Variants in RABGAP1L observed in about 807,000 individuals in gnomAD.
The protein encoded by RABGAP1L is rab GTPase-activating protein 1-like.
A neutral mutation model predicts 137.7 loss-of-function variants in RABGAP1L; 63 were observed. The ratio of observed to expected loss-of-function variants is 0.46; its 90% CI spans 0.37 to 0.56. The LOEUF is 0.56. Among genes scored for constraint, RABGAP1L ranks in the 20% least tolerant of loss-of-function variants. RABGAP1L has a pLI of 0.00. For synonymous variants in RABGAP1L, 431 were observed against 433.7 expected (o/e 0.99, Z 0.08); for missense variants, 1,095 against 1,244.0 (o/e 0.88, Z 1.80).
intron 13 of RABGAP1L, among the ~76,000 whole-genome samples, chr1:174,399,489 C>T (rs968073569): frequency 6.6e-6 from 1 of 152,132 alleles, no homozygotes; most frequent in African/African-American, 2.4e-5. Flanking sequence ...TGAAATGGTT[C>T]AGCTTGAACA....
chr1:174,436,943 A>G (rs929291453), intron 13 of RABGAP1L, among the ~76,000 whole-genome samples: 1 of 152,256 alleles, frequency 6.6e-6, no homozygotes, highest in African/African-American at 2.4e-5. Flanking sequence ...ACCGCTGCTG[A>G]TACCCAGGCA....
chr1:174,875,457 A>G (rs944796145), intron 19 of RABGAP1L: 7 of 924,136 alleles, frequency 7.6e-6, no homozygotes, highest in Non-Finnish European at 9.0e-6. Context: ...GGTGGTTGCC[A>G]GCAGGGAGTA....
rs1431628404 is a variant in RABGAP1L at position 174,829,231 on chromosome 1, T to C, written c.2340+17271T>C. 2.0e-5 allele frequency among the ~76,000 whole-genome samples: 3 copies of C among 148,158 alleles called. No homozygotes were observed. In the East Asian group the frequency reaches 6.3e-4, roughly 31 times the overall value. ...AACCCTGTTTATAAAAGATGAAGAA[T>C]ATTGGGCTTTGCATTTTCCCTGAAA... is the stretch of plus-strand genomic sequence containing the variant. On this transcript the variant is annotated intron_variant, in intron 19 of 25. Transcript: ENST00000681986.
chr1:174,910,598 T>C (rs892906088), intron 19 of RABGAP1L, among the ~76,000 whole-genome samples: 4 of 152,078 alleles, frequency 2.6e-5, no homozygotes, highest in African/African-American at 9.7e-5. Flanking sequence ...GACATCCAAA[T>C]TGGAAAGGAA....
intron 13 of RABGAP1L, among the ~76,000 whole-genome samples, chr1:174,566,833 T>C (rs1246984961): frequency 6.6e-6 from 1 of 152,138 alleles, no homozygotes; most frequent in East Asian, 1.9e-4. Flanking sequence ...ATGATAGTTT[T>C]CATTTGCTAT....
chr1:174,697,127 C>T (rs1679316173), intron 15 of RABGAP1L, among the ~76,000 whole-genome samples: 1 of 152,186 alleles, frequency 6.6e-6, no homozygotes, highest in Admixed American at 6.5e-5. Flanking sequence ...AGGGCCTGCA[C>T]CTCATCTGTT....
intron 12 of RABGAP1L, among the ~76,000 whole-genome samples, chr1:174,392,932 A>G (rs1647334219): frequency 6.6e-6 from 1 of 152,200 alleles, no homozygotes; most frequent in African/African-American, 2.4e-5. Flanking sequence ...CAACAAATAC[A>G]AGTAAAGTCT....
At chr1:174,425,932 A>G (rs1437440328) in intron 13 of RABGAP1L, among the ~76,000 whole-genome samples, 1 of 152,090 alleles carries the variant, frequency 6.6e-6, no homozygotes, top group Admixed American at 6.5e-5. Context: ...TTTATTAGCA[A>G]GTTCAAAGGA....
chr1:174,315,921 TTTCTTA>T (rs750643337), intron 11 of RABGAP1L, among the ~76,000 whole-genome samples: 1 of 152,130 alleles, frequency 6.6e-6, no homozygotes, highest in Non-Finnish European at 1.5e-5. Context: ...TGCTTCATTG[TTTCTTA>T]TTCTTTTTCT....
intron 13 of RABGAP1L, among the ~76,000 whole-genome samples, chr1:174,540,610 G>C (rs1214861352): frequency 6.6e-6 from 1 of 152,180 alleles, no homozygotes; most frequent in African/African-American, 2.4e-5. Flanking sequence ...TTGTAGATGT[G>C]TGGTGTTATT....
At chr1:174,518,720 G>A (rs1663091217) in intron 13 of RABGAP1L, among the ~76,000 whole-genome samples, 1 of 152,188 alleles carries the variant, frequency 6.6e-6, no homozygotes, top group Non-Finnish European at 1.5e-5. Context: ...CTGGAAGTTG[G>A]CTGCTAGTTG....
chr1:174,892,145 C>T (rs772887695), intron 19 of RABGAP1L, among the ~76,000 whole-genome samples: 1 of 152,228 alleles, frequency 6.6e-6, no homozygotes, highest in Non-Finnish European at 1.5e-5. Context: ...GCAAGCATCT[C>T]GCGTGGTGGC....
chr1:174,719,451 C>G (rs1681306325), intron 17 of RABGAP1L, among the ~76,000 whole-genome samples: 1 of 152,184 alleles, frequency 6.6e-6, no homozygotes, highest in South Asian at 2.1e-4. Flanking sequence ...AATCAGTCAA[C>G]AAGCATCTAT....
intron 20 of RABGAP1L, among the ~76,000 whole-genome samples, chr1:174,965,940 G>A (rs1669582232): frequency 6.6e-6 from 1 of 152,182 alleles, no homozygotes; most frequent in African/African-American, 2.4e-5. Context: ...AAGGGTTTCA[G>A]TTGCAACAGT....
intron 11 of RABGAP1L, among the ~76,000 whole-genome samples, chr1:174,336,433 T>A (rs771523252): frequency 6.6e-6 from 1 of 152,170 alleles, no homozygotes; most frequent in Non-Finnish European, 1.5e-5. Flanking sequence ...CTGAAAATTG[T>A]TTATACTTGG....
chr1:174,383,332 C>T lies in RABGAP1L; in HGVS notation c.1560-10663C>T, dbSNP rs1281372843. Among the ~76,000 whole-genome samples the T allele has an allele frequency of 2.2e-3, 328 of 151,524 alleles. 1 individual carries two copies. The highest frequency in any genetic ancestry group is 6.4e-3 in the African/African-American group (262 of 41,132). ...GTGGGCTCCACCCAGTTCGAGCTTCCTGGCTGCTTTGTTTACCTAAGCAAG... is the reference window on the plus strand; with the variant it reads ...GTGGGCTCCACCCAGTTCGAGCTTCTTGGCTGCTTTGTTTACCTAAGCAAG... On this transcript the variant is annotated intron_variant, in intron 12 of 25. Transcript: ENST00000681986.
At chr1:174,621,525 A>T (rs1236446997) in intron 13 of RABGAP1L, among the ~76,000 whole-genome samples, 1 of 152,228 alleles carries the variant, frequency 6.6e-6, no homozygotes, top group Non-Finnish European at 1.5e-5. Context: ...AATGGAACAG[A>T]ACAGAGCCCT....
At chr1:174,706,164 T>C (rs1680029644) in intron 17 of RABGAP1L, among the ~76,000 whole-genome samples, 1 of 152,208 alleles carries the variant, frequency 6.6e-6, no homozygotes. Flanking sequence ...TCATTCATTC[T>C]GAGGTTAAGC....
intron 10 of RABGAP1L, among the ~76,000 whole-genome samples, 160 bp from the exon 11 acceptor site, chr1:174,304,826 A>G (rs1458818694): frequency 6.6e-6 from 1 of 152,240 alleles, no homozygotes; most frequent in East Asian, 1.9e-4. Context: ...CCTGTGAAGG[A>G]CAGTGCACCT....
Sources: gnomAD v4.1 joint callset for allele counts (sites outside exome capture counted in the v4.1 genomes callset) on GRCh38, gnomAD v4.1.1 for gene constraint, MANE v1.5 for transcripts, NCBI Gene and HGNC (gene_info 2026-07-23, HGNC 2026-07-21) for gene names.